Variants in SNTG2 observed in about 807,000 individuals in gnomAD.
SNTG2 encodes syntrophin gamma 2.
Under a neutral mutation model 70.9 loss-of-function variants are expected in SNTG2, and 74 were observed. That is an observed-to-expected ratio of 1.04 (90% CI 0.86 to 1.27). SNTG2 has a LOEUF of 1.27. SNTG2 is among the 50% of genes most tolerant of loss of function. The probability of loss-of-function intolerance (pLI) is 0.00; values close to 1 mark genes in which losing one functional copy is unlikely to be tolerated. For synonymous variants in SNTG2, 278 were observed against 273.8 expected (o/e 1.02, Z -0.15); for missense variants, 717 against 690.7 (o/e 1.04, Z -0.43).
At chr2:1,167,418 A>C (rs1162995363) in intron 7 of SNTG2, among the ~76,000 whole-genome samples, 1 of 147,258 alleles carries the variant, frequency 6.8e-6, no homozygotes, top group Non-Finnish European at 1.5e-5. Context: ...GGCAGAACTG[A>C]AGCCTAGAAG....
rs1172445606 is a variant in SNTG2 at position 1,014,763 on chromosome 2, A to G, written c.72+63695A>G. ...CAGAGAGAGAAGGGTGGTCTGGAGA[A>G]GGATTTATAAGAGCAGAGAGAAGGG... is the stretch of plus-strand genomic sequence containing the variant. On this transcript the variant is annotated intron_variant, in intron 1 of 16. Coordinates refer to ENST00000308624, the MANE Select transcript of SNTG2 (RefSeq NM_018968.4). Among the ~76,000 whole-genome samples the G allele has an allele frequency of 2.7e-5, 4 of 145,884 alleles. No individual in the cohort carries two copies. In the East Asian group the frequency reaches 6.6e-4, roughly 24 times the overall value.
chr2:1,280,443 T>G (rs1205540982), intron 14 of SNTG2, among the ~76,000 whole-genome samples: 1 of 152,212 alleles, frequency 6.6e-6, no homozygotes, highest in Non-Finnish European at 1.5e-5. Flanking sequence ...CTTCTGTTGA[T>G]GACTCTTAAA....
chr2:1,114,078 CAT>C lies in SNTG2; in HGVS notation c.325+15669_325+15670del, dbSNP rs1182971765. Among the ~76,000 whole-genome samples the C allele has an allele frequency of 1.4e-3, 212 of 149,216 alleles. 1 individual carries two copies. Among genetic ancestry groups the C allele is most frequent in the African/African-American group, 4.5e-3 (182 of 40,134 alleles). ...ACCCTTACAGTCCTTTGAGGAGAAT[CAT>C]GTGTACTAAGTGAGGGTTAACCCTT... is the stretch of plus-strand genomic sequence containing the variant. On this transcript the variant is annotated intron_variant, in intron 4 of 16. Coordinates refer to ENST00000308624, the MANE Select transcript of SNTG2 (RefSeq NM_018968.4).
chr2:1,116,847 C>G (rs1667030851), intron 4 of SNTG2, among the ~76,000 whole-genome samples: 1 of 145,114 alleles, frequency 6.9e-6, no homozygotes, highest in African/African-American at 2.6e-5. Context: ...TATGGGTGCC[C>G]TGGTGTGTGG....
At chr2:972,864 C>T (rs1055370627) in intron 1 of SNTG2, among the ~76,000 whole-genome samples, 1 of 152,174 alleles carries the variant, frequency 6.6e-6, no homozygotes, top group African/African-American at 2.4e-5. Context: ...CCTGTACAGC[C>T]TGCAGAACTG....
At chr2:1,355,077 G>A (rs1453773126) in intron 16 of SNTG2, among the ~76,000 whole-genome samples, 4 of 152,226 alleles carry the variant, frequency 2.6e-5, no homozygotes, top group Non-Finnish European at 1.5e-5. Flanking sequence ...CCCTGGCCAA[G>A]CCCTACAACA....
intron 16 of SNTG2, among the ~76,000 whole-genome samples, chr2:1,339,088 G>T (rs1299392909): frequency 6.6e-6 from 1 of 152,128 alleles, no homozygotes; most frequent in Non-Finnish European, 1.5e-5. Context: ...CATTTTGAGG[G>T]TTTTGTTTGT....
chr2:1,015,586 T>C (rs1659865366), intron 1 of SNTG2, among the ~76,000 whole-genome samples: 1 of 152,322 alleles, frequency 6.6e-6, no homozygotes, highest in South Asian at 2.1e-4. Context: ...TAAACGTGGA[T>C]GATGTCCAAG....
At chr2:1,236,260 T>G (rs533638362) in intron 9 of SNTG2, among the ~76,000 whole-genome samples, 1 of 152,372 alleles carries the variant, frequency 6.6e-6, no homozygotes, top group African/African-American at 2.4e-5. Flanking sequence ...TGTGGAATAT[T>G]ACACAATCTG....
chr2:1,190,704 C>G (rs1337632418), intron 8 of SNTG2, among the ~76,000 whole-genome samples: 1 of 150,880 alleles, frequency 6.6e-6, no homozygotes, highest in African/African-American at 2.4e-5. Flanking sequence ...GAAAAGGAAG[C>G]AAGAATAATA....
rs186798002 is a variant in SNTG2 at position 1,278,158 on chromosome 2, G to A, written c.1284+10587G>A. ...GTGAATAAGTTTCACGGTATAACAT[G>A]CACTTCACCTGCTTAATCACAGTAC... On this transcript the variant is annotated intron_variant, in intron 14 of 16. Coordinates refer to ENST00000308624, the MANE Select transcript of SNTG2 (RefSeq NM_018968.4). Among the ~76,000 whole-genome samples, 552 of 152,288 alleles carry A rather than the reference G, an allele frequency of 3.6e-3. 5 individuals carry two copies. The highest frequency in any genetic ancestry group is 6.8e-3 in the Middle Eastern group (2 of 294).
chr2:1,168,391 A>C (rs1210915270), intron 7 of SNTG2, among the ~76,000 whole-genome samples: 1 of 152,220 alleles, frequency 6.6e-6, no homozygotes, highest in African/African-American at 2.4e-5. Context: ...AGCTGGAAAC[A>C]TCCACCCCTA....
intron 4 of SNTG2, among the ~76,000 whole-genome samples, chr2:1,111,960 T>C (rs942942681): frequency 1.0e-5 from 1 of 99,488 alleles, no homozygotes; most frequent in South Asian, 2.9e-4. Context: ...GTTTAACCCT[T>C]ACAGTCCTTT....
chr2:1,083,013 G>A (rs1664436064), intron 1 of SNTG2, among the ~76,000 whole-genome samples: 1 of 152,122 alleles, frequency 6.6e-6, no homozygotes, highest in Admixed American at 6.5e-5. Flanking sequence ...GCCCCTGCAG[G>A]AGCTTGGGCC....
chr2:1,210,746 A>G (rs1673986446), intron 9 of SNTG2: 1 of 152,080 alleles, frequency 6.6e-6, no homozygotes, highest in South Asian at 2.1e-4. Flanking sequence ...CACTTTTCTA[A>G]GTTTAGATGT....
At chr2:1,078,461 C>A (rs1664067812) in intron 1 of SNTG2, among the ~76,000 whole-genome samples, 2 of 152,178 alleles carry the variant, frequency 1.3e-5, no homozygotes, top group Middle Eastern at 6.8e-3. Flanking sequence ...GGTGGACAGA[C>A]CCCAGGCAGG....
chr2:1,105,417 G>A (rs1253911827), intron 4 of SNTG2, among the ~76,000 whole-genome samples: 1 of 152,112 alleles, frequency 6.6e-6, no homozygotes, highest in Non-Finnish European at 1.5e-5. Flanking sequence ...CTTAGATATG[G>A]TGTCCTTCAC....
intron 12 of SNTG2, among the ~76,000 whole-genome samples, chr2:1,255,356 A>C (rs113905952): frequency 1.6e-3 from 242 of 152,232 alleles, no homozygotes; most frequent in African/African-American, 4.7e-3. Context: ...GACTCCCCTC[A>C]TAAAACATCA....
chr2:1,245,251 AAAACTT>A (rs1416901951), intron 11 of SNTG2, among the ~76,000 whole-genome samples: 1 of 151,930 alleles, frequency 6.6e-6, no homozygotes, highest in Non-Finnish European at 1.5e-5. Context: ...CATGTACCCT[AAAACTT>A]AAAGTATAAT....
Sources: gnomAD v4.1 joint callset for allele counts (sites outside exome capture counted in the v4.1 genomes callset) on GRCh38, gnomAD v4.1.1 for gene constraint, MANE v1.5 for transcripts, NCBI Gene and HGNC (gene_info 2026-07-23, HGNC 2026-07-21) for gene names.